Variants in DSCAM observed in about 807,000 individuals in gnomAD.
DSCAM encodes cell adhesion molecule DSCAM.
In DSCAM, 47 loss-of-function variants were observed where a neutral mutation model predicts 217.7. That is an observed-to-expected ratio of 0.22 (90% confidence interval 0.17 to 0.28). DSCAM has a LOEUF of 0.28. DSCAM is among the 10% of genes least tolerant of loss of function. The pLI is 1.00. For synonymous variants in DSCAM, 1,056 were observed against 1,015.3 expected, an observed-to-expected ratio of 1.04 and a Z score of -0.76; for missense variants, 2,080 against 2,618.3, an observed-to-expected ratio of 0.79 and a Z score of 4.49.
intron 1 of DSCAM, among the ~76,000 whole-genome samples, chr21:40,716,475 A>G (rs1313803338): frequency 6.6e-6 from 1 of 152,206 alleles, no homozygotes; most frequent in East Asian, 1.9e-4. Context: ...TGTGAAATTC[A>G]GGGTTGAAAA....
At chr21:40,215,412 G>A (rs191427549) in intron 11 of DSCAM, among the ~76,000 whole-genome samples, 10 of 150,790 alleles carry the variant, frequency 6.6e-5, no homozygotes, top group Admixed American at 5.3e-4. Context: ...ATAAAAGCAA[G>A]ACTCAACTAA....
Position 40,643,745 on chromosome 21 carries a change from CCA to C in DSCAM, c.508+49063_508+49064del, listed in dbSNP as rs566837884. Among the ~76,000 whole-genome samples the C allele has an allele frequency of 1.8e-3, 280 of 152,328 alleles. 1 individual carries two copies. The highest frequency in any genetic ancestry group is 6.8e-3 in the Middle Eastern group (2 of 294). ...ACTGGTGTCCTCATAAGAAGGTTGG[CCA>C]CACACAGAGATACCAGGGATGTGTG... On this transcript the variant is annotated intron_variant, in intron 3 of 32. Transcript: ENST00000400454.
intron 9 of DSCAM, among the ~76,000 whole-genome samples, chr21:40,298,226 G>T (rs1381776842): frequency 6.6e-6 from 1 of 151,800 alleles, no homozygotes; most frequent in Non-Finnish European, 1.5e-5. Flanking sequence ...GATTACAGGT[G>T]CCTGCCATCA....
intron 32 of DSCAM, among the ~76,000 whole-genome samples, chr21:40,039,672 T>C (rs759975835): frequency 8.5e-5 from 13 of 152,220 alleles, no homozygotes; most frequent in Non-Finnish European, 1.6e-4. Flanking sequence ...ATCAGGTATC[T>C]GCTAGACCTT....
At chr21:40,425,284 G>A (rs2075461362) in intron 3 of DSCAM, among the ~76,000 whole-genome samples, 1 of 151,796 alleles carries the variant, frequency 6.6e-6, no homozygotes, top group South Asian at 2.1e-4. Context: ...CCAGCACTTT[G>A]GGATGCCAAG....
chr21:40,392,079 A>G (rs1390421969), intron 3 of DSCAM, among the ~76,000 whole-genome samples: 2 of 152,154 alleles, frequency 1.3e-5, no homozygotes, highest in Non-Finnish European at 2.9e-5. Flanking sequence ...TATTTCCTTC[A>G]TTATCTCCAT....
At chr21:40,159,027 GTCTTGCT>G (rs2090509596) in intron 16 of DSCAM, among the ~76,000 whole-genome samples, 2 of 152,166 alleles carry the variant, frequency 1.3e-5, no homozygotes, top group South Asian at 4.1e-4. Flanking sequence ...GTGTTTTTCT[GTCTTGCT>G]TCATGCTACC....
intron 3 of DSCAM, among the ~76,000 whole-genome samples, chr21:40,370,349 G>T (rs1028855337): frequency 1.3e-5 from 2 of 151,614 alleles, no homozygotes; most frequent in Non-Finnish European, 2.9e-5. Flanking sequence ...CTCTTCTATG[G>T]GCTATTTCTG....
intron 1 of DSCAM, among the ~76,000 whole-genome samples, chr21:40,777,228 T>C (rs190356428): frequency 6.6e-6 from 1 of 152,300 alleles, no homozygotes; most frequent in East Asian, 1.9e-4. Context: ...CGAATTCCAC[T>C]GATGAGAGCT....
At chr21:40,239,964 T>C (rs902134877) in intron 11 of DSCAM, among the ~76,000 whole-genome samples, 21 of 152,192 alleles carry the variant, frequency 1.4e-4, no homozygotes, top group African/African-American at 4.6e-4. Context: ...GCAGGAACAC[T>C]GGATAGGGAG....
At chr21:40,031,263 CCTG>C (rs2088518841) in intron 32 of DSCAM, among the ~76,000 whole-genome samples, 2 of 152,046 alleles carry the variant, frequency 1.3e-5, no homozygotes, top group Admixed American at 1.3e-4. Context: ...CCTCTTTGTC[CCTG>C]CTGAGTGACC....
At chr21:40,258,239 T>C (rs372251644) in intron 11 of DSCAM, among the ~76,000 whole-genome samples, 104 of 152,254 alleles carry the variant, frequency 6.8e-4, no homozygotes, top group South Asian at 5.8e-3. Context: ...TTCTTCTATG[T>C]CTGGCATCAG....
chr21:40,080,933 T>G (rs1411874891), intron 24 of DSCAM, among the ~76,000 whole-genome samples: 1 of 152,310 alleles, frequency 6.6e-6, no homozygotes, highest in Admixed American at 6.5e-5. Context: ...CTACCTCTAC[T>G]TTTACAACTA....
At chr21:40,818,066 G>T (rs1162915184) in intron 1 of DSCAM, among the ~76,000 whole-genome samples, 1 of 124,030 alleles carries the variant, frequency 8.1e-6, no homozygotes, top group East Asian at 2.5e-4. Context: ...ACTGCAGTCC[G>T]CAGTCCGGCC....
At chr21:40,558,144 A>G (rs1434169398) in intron 3 of DSCAM, among the ~76,000 whole-genome samples, 2 of 152,184 alleles carry the variant, frequency 1.3e-5, no homozygotes, top group Non-Finnish European at 2.9e-5. Flanking sequence ...ACATATTTCT[A>G]TCACTGAGAA....
intron 27 of DSCAM, among the ~76,000 whole-genome samples, chr21:40,072,596 C>T (rs2089311485): frequency 6.6e-6 from 1 of 152,128 alleles, no homozygotes; most frequent in Admixed American, 6.5e-5. Flanking sequence ...GATCCGCCCA[C>T]CTTGGCCTCC....
At chr21:40,129,078 TC>T (rs2090128095) in intron 19 of DSCAM, among the ~76,000 whole-genome samples, 1 of 152,206 alleles carries the variant, frequency 6.6e-6, no homozygotes, top group Non-Finnish European at 1.5e-5. Context: ...TCATTTTTTT[TC>T]ACCATCATTT....
intron 3 of DSCAM, among the ~76,000 whole-genome samples, chr21:40,450,536 G>A (rs753374418): frequency 3.3e-5 from 5 of 152,156 alleles, no homozygotes; most frequent in Non-Finnish European, 4.4e-5. Context: ...CCTTGATTTA[G>A]GATTCATGGA....
At chr21:40,041,245 G>T (rs1036459997) in intron 32 of DSCAM, among the ~76,000 whole-genome samples, 2 of 152,100 alleles carry the variant, frequency 1.3e-5, no homozygotes, top group African/African-American at 4.8e-5. Flanking sequence ...AACAAAACTG[G>T]ATTCAATAAG....
Sources: gnomAD v4.1 joint callset for allele counts (sites outside exome capture counted in the v4.1 genomes callset) on GRCh38, gnomAD v4.1.1 for gene constraint, MANE v1.5 for transcripts, NCBI Gene and HGNC (gene_info 2026-07-23, HGNC 2026-07-21) for gene names.